The following PRIM2 variants were observed in gnomAD, a reference collection of about 807,000 sequenced individuals.
PRIM2 encodes the protein DNA primase subunit 2.
In PRIM2, 39 loss-of-function variants were observed where a neutral mutation model predicts 67.3. That is an observed-to-expected ratio of 0.58 (90% CI 0.45 to 0.76). PRIM2 has a LOEUF of 0.76. PRIM2 is among the 30% of genes least tolerant of loss of function. The pLI, the probability that PRIM2 is intolerant of heterozygous loss-of-function variation, is 0.00. For synonymous variants in PRIM2, 143 were observed against 198.7 expected (o/e 0.72, Z 2.36); for missense variants, 398 against 598.7 (o/e 0.66, Z 3.50).
chr6:57,419,431 G>A (rs1771389691), intron 7 of PRIM2, among the ~76,000 whole-genome samples: 1 of 152,198 alleles, frequency 6.6e-6, no homozygotes, highest in African/African-American at 2.4e-5. Context: ...AGCCTGTAAT[G>A]GCATTGAGGA....
At chr6:57,542,497 A>G (rs1775181134) in intron 10 of PRIM2, among the ~76,000 whole-genome samples, 1 of 152,134 alleles carries the variant, frequency 6.6e-6, no homozygotes. Context: ...CCTGTGTAGC[A>G]ATATCATCAG....
intron 7 of PRIM2, among the ~76,000 whole-genome samples, chr6:57,472,742 T>C (rs1167728742): frequency 2.0e-4 from 30 of 152,238 alleles, no homozygotes; most frequent in East Asian, 7.7e-4. Context: ...ATTGTGAAAG[T>C]TGGCCTTACT....
chr6:57,305,046 G>T, the PRIM2 span, among the ~76,000 whole-genome samples: 3 of 152,278 alleles, frequency 2.0e-5, no homozygotes, highest in Middle Eastern at 3.4e-3. Flanking sequence ...GAGAAAGGAA[G>T]ATTTATTATT....
At chr6:57,270,836 A>C in the PRIM2 span, among the ~76,000 whole-genome samples, 1 of 152,152 alleles carries the variant, frequency 6.6e-6, no homozygotes, top group Admixed American at 6.5e-5. Flanking sequence ...TTTTAGCATG[A>C]AGCGTTGTTG....
chr6:57,425,556 TAAC>T (rs1771596081), intron 7 of PRIM2, among the ~76,000 whole-genome samples: 1 of 152,182 alleles, frequency 6.6e-6, no homozygotes, highest in Non-Finnish European at 1.5e-5. Context: ...GTCTAATTTA[TAAC>T]AACATTAGAT....
chr6:57,503,081 G>A (rs1456305936), intron 7 of PRIM2, among the ~76,000 whole-genome samples: 7 of 152,158 alleles, frequency 4.6e-5, no homozygotes, highest in Non-Finnish European at 8.8e-5. Flanking sequence ...TTTCAGATGG[G>A]TAAACCTTAC....
chr6:57,575,829 A>AC (rs1486768131), intron 10 of PRIM2, among the ~76,000 whole-genome samples: 1 of 152,006 alleles, frequency 6.6e-6, no homozygotes, highest in African/African-American at 2.4e-5. Flanking sequence ...CCCAGGCTGT[A>AC]GTGCAGTTGT....
At chr6:57,241,952 G>A in the PRIM2 span, among the ~76,000 whole-genome samples, 1 of 152,074 alleles carries the variant, frequency 6.6e-6, no homozygotes, top group South Asian at 2.1e-4. Context: ...GATTACAGGC[G>A]TCAGCCACTG....
At chr6:57,539,642 GTGTGTGTGTGTGTGTATA>G (rs1488864527) in intron 10 of PRIM2, among the ~76,000 whole-genome samples, 2 of 71,148 alleles carry the variant, frequency 2.8e-5, no homozygotes, top group African/African-American at 6.8e-5. Flanking sequence ...GTGTGTGTGT[GTGTGTGTGTGTGTGTATA>G]TATATATATA....
At chr6:57,441,223 C>T (rs1431580361) in intron 7 of PRIM2, among the ~76,000 whole-genome samples, 4 of 152,168 alleles carry the variant, frequency 2.6e-5, no homozygotes, top group South Asian at 2.1e-4. Flanking sequence ...AAGATAACCC[C>T]CTTGCTAGCT....
At chr6:57,507,848 AAAAT>A (rs1554347350) in intron 8 of PRIM2, among the ~76,000 whole-genome samples, 49,424 of 151,784 alleles carry the variant, frequency 0.33, 7,979 homozygotes, top group East Asian at 0.44. Context: ...CATTATTTAA[AAAAT>A]AAAGTTAGAA....
intron 7 of PRIM2, among the ~76,000 whole-genome samples, chr6:57,447,843 A>C (rs534825509): frequency 2.6e-5 from 4 of 152,350 alleles, no homozygotes; most frequent in East Asian, 3.9e-4. Flanking sequence ...GACCAAAACC[A>C]CAAAAACATG....
intron 5 of PRIM2, among the ~76,000 whole-genome samples, chr6:57,338,670 ACT>A (rs1768358704): frequency 1.4e-5 from 2 of 147,020 alleles, no homozygotes; most frequent in South Asian, 2.2e-4. Flanking sequence ...CATGCTAAAA[ACT>A]CTCAATAAAT....
At chr6:57,232,910 G>A in the PRIM2 span, among the ~76,000 whole-genome samples, 1 of 152,154 alleles carries the variant, frequency 6.6e-6, no homozygotes, top group Non-Finnish European at 1.5e-5. Flanking sequence ...GAAGTACTAA[G>A]GAATTGTCCT....
At chr6:57,339,374 C>T (rs1383301026) in intron 5 of PRIM2, among the ~76,000 whole-genome samples, 1 of 152,014 alleles carries the variant, frequency 6.6e-6, no homozygotes, top group Non-Finnish European at 1.5e-5. Context: ...TCATATGGAA[C>T]CAAAAAAGAG....
At chr6:57,586,778 A>C (rs1246724127) in intron 10 of PRIM2, among the ~76,000 whole-genome samples, 1 of 152,208 alleles carries the variant, frequency 6.6e-6, no homozygotes, top group East Asian at 1.9e-4. Flanking sequence ...CTGTGGATGA[A>C]TAGTCTTGCT....
At chr6:57,345,699 A>G (rs1266983297) in intron 5 of PRIM2, among the ~76,000 whole-genome samples, 1 of 152,214 alleles carries the variant, frequency 6.6e-6, no homozygotes, top group Non-Finnish European at 1.5e-5. Context: ...TCCGTAGAGT[A>G]AAGTGAAAGC....
the PRIM2 span, among the ~76,000 whole-genome samples, chr6:57,275,315 G>T: frequency 6.6e-6 from 1 of 152,026 alleles, no homozygotes; most frequent in African/African-American, 2.4e-5. Flanking sequence ...GTGAAACCCT[G>T]TCTCTACTAA....
intron 5 of PRIM2, among the ~76,000 whole-genome samples, chr6:57,344,196 T>C (rs1199775581): frequency 1.3e-5 from 2 of 151,196 alleles, no homozygotes; most frequent in African/African-American, 4.9e-5. Context: ...AGATTGACAG[T>C]CCCAGGCAGG....
Sources: gnomAD v4.1 joint callset for allele counts (sites outside exome capture counted in the v4.1 genomes callset) on GRCh38, gnomAD v4.1.1 for gene constraint, MANE v1.5 for transcripts, NCBI Gene and HGNC (gene_info 2026-07-23, HGNC 2026-07-21) for gene names.